The following WNK1 variants were observed in gnomAD, a reference collection of about 807,000 sequenced individuals.
WNK1 encodes the protein serine/threonine-protein kinase WNK1.
WNK1 carries 38 observed loss-of-function variants against 222.8 expected under a neutral mutation model. That is an observed-to-expected ratio of 0.17 (90% CI 0.13 to 0.22). The LOEUF (loss-of-function observed/expected upper bound fraction) is 0.22. Ranked by LOEUF, WNK1 falls within the 10% of genes least tolerant of loss-of-function variation. WNK1 has a pLI of 1.00. For synonymous variants in WNK1, 1,090 were observed against 1,092.9 expected (o/e 1.00, Z 0.05); for missense variants, 2,348 against 2,918.4 (o/e 0.80, Z 4.50).
intron 4 of WNK1, among the ~76,000 whole-genome samples, chr12:850,979 T>C (rs2154055248): frequency 6.6e-6 from 1 of 152,310 alleles, no homozygotes; most frequent in South Asian, 2.1e-4. Context: ...AGCCTTGTAG[T>C]AATACTGTTG....
intron 4 of WNK1, among the ~76,000 whole-genome samples, chr12:843,049 C>T (rs938973805): frequency 6.6e-6 from 1 of 152,208 alleles, no homozygotes; most frequent in African/African-American, 2.4e-5. Context: ...AATTCTCCTG[C>T]CTCAGCCTCC....
intron 1 of WNK1, among the ~76,000 whole-genome samples, chr12:808,234 A>G (rs1309867389): frequency 6.6e-6 from 1 of 152,134 alleles, no homozygotes; most frequent in Non-Finnish European, 1.5e-5. Flanking sequence ...GTATGGTTCT[A>G]AGTTTTGCTA....
At chr12:794,703 G>T (rs1054163436) in intron 1 of WNK1, among the ~76,000 whole-genome samples, 1 of 151,936 alleles carries the variant, frequency 6.6e-6, no homozygotes, top group East Asian at 1.9e-4. Context: ...TTGTATTTTG[G>T]TGAGGATTTT....
At chr12:839,950 A>G (rs1282895297) in intron 4 of WNK1, among the ~76,000 whole-genome samples, 1 of 145,328 alleles carries the variant, frequency 6.9e-6, no homozygotes, top group Non-Finnish European at 1.5e-5. Flanking sequence ...CTGCTCTCGA[A>G]CTCCTGACCT....
intron 8 of WNK1, among the ~76,000 whole-genome samples, chr12:869,710 A>C (rs1951977030): frequency 6.6e-6 from 1 of 152,172 alleles, no homozygotes; most frequent in African/African-American, 2.4e-5. Context: ...GGCATCAGTC[A>C]AGCAAGTTGC....
intron 1 of WNK1, among the ~76,000 whole-genome samples, chr12:806,169 G>A (rs1329658197): frequency 1.3e-5 from 2 of 152,134 alleles, no homozygotes; most frequent in African/African-American, 2.4e-5. Context: ...ATAATTCTTA[G>A]CTATTCAGGA....
At chr12:775,275 AT>A in intron 1 of WNK1, among the ~76,000 whole-genome samples, 1 of 152,340 alleles carries the variant, frequency 6.6e-6, no homozygotes, top group East Asian at 1.9e-4. Context: ...TAGAGAGTAA[AT>A]TAAGACATTA....
rs756183529 is a variant in WNK1 at position 859,350 on chromosome 12, A to G, written c.1506A>G (p.Leu502=). The change falls in exon 6 of 28, where the codon TTA becomes TTG. Residue 502 remains leucine, a synonymous_variant. Transcript: ENST00000315939. ...ATGGAGAAAAAATAGCCATAAAATT[A>G]TGGCTACGTATTGAAGATATTAAGA... ...EDDGEKIAIK[L]WLRIEDIKKL... 9.9e-6 allele frequency: 16 copies of G among 1,612,430 alleles called. No homozygotes were observed. Among genetic ancestry groups the G allele is most frequent in the Middle Eastern group, 3.3e-4 (2 of 6,076 alleles).
At chr12:871,419 G>T (rs1952135976) in intron 9 of WNK1, 71 bp downstream of exon 9, 4 of 1,509,128 alleles carry the variant, frequency 2.7e-6, no homozygotes, top group Non-Finnish European at 3.7e-6. Flanking sequence ...TTTGTGATTT[G>T]TTATATAAAT....
At chr12:887,745 G>A (rs1953810248) in intron 20 of WNK1, among the ~76,000 whole-genome samples, 1 of 152,102 alleles carries the variant, frequency 6.6e-6, no homozygotes, top group Non-Finnish European at 1.5e-5. Flanking sequence ...CTTGAATGTT[G>A]ATCATTTCTT....
rs780624528 is a variant in WNK1 at position 910,331 on chromosome 12, CT to C, written c.*1541del. On this transcript the variant is annotated 3_prime_UTR_variant, in exon 28 of 28. Coordinates refer to ENST00000315939, the MANE Select transcript of WNK1 (RefSeq NM_018979.4). Reference sequence around the variant, plus strand: ...GAATTAATCATTCTAGGAAAGAATACTTATTCCTACTCATTTCCTTTATGAT... The same window carrying C: ...GAATTAATCATTCTAGGAAAGAATACTATTCCTACTCATTTCCTTTATGAT... 2 of 152,186 alleles carry C rather than the reference CT, an allele frequency of 1.3e-5. No individual in the cohort carries two copies. The highest frequency in any genetic ancestry group is 2.9e-5 in the Non-Finnish European group (2 of 68,036). 9.4% of individuals were successfully genotyped at this position (152,186 alleles called of 1,614,324 possible).
In WNK1 at chr12:884,319, CAGTAA is replaced by C; in HGVS notation, c.3844+77_3844+81del. On this transcript the variant is annotated intron_variant, in intron 18 of 27. Transcript: ENST00000315939. This position sits in a 1 kb window ranked among gnomAD's most constrained non-coding sequence, Gnocchi z 5.6. ...CTATGTTGAAAGCTTAATCATAAAG[CAGTAA>C]TTTATGATGACACAGATAATAAAAA... 1 of 1,583,902 alleles carries C rather than the reference CAGTAA, an allele frequency of 6.3e-7. No homozygotes were observed. The highest frequency in any genetic ancestry group is 8.7e-7 in the Non-Finnish European group (1 of 1,154,250).
intron 1 of WNK1, among the ~76,000 whole-genome samples, chr12:755,519 C>G (rs1417289172): frequency 6.6e-6 from 1 of 152,060 alleles, no homozygotes; most frequent in African/African-American, 2.4e-5. Context: ...CAAACATAAT[C>G]ATTTCTTAAC....
rs150718995 is a variant in WNK1, at chr12:853,355, A to G, written c.1312-3806A>G. Among the ~76,000 whole-genome samples the G allele has an allele frequency of 7.9e-5, 12 of 152,366 alleles. 1 individual carries two copies. The East Asian group carries it at 2.3e-3, about 29-fold the overall frequency. On this transcript the variant is annotated intron_variant, in intron 4 of 27. Transcript: ENST00000315939. ...ATATATGTTTGCAGGGATAGGATTAACAAGAGGATTATTATTAAGGATAAT... is the reference window on the plus strand; with the variant it reads ...ATATATGTTTGCAGGGATAGGATTAGCAAGAGGATTATTATTAAGGATAAT...
At chr12:803,288 C>G (rs1302703535) in intron 1 of WNK1, among the ~76,000 whole-genome samples, 1 of 151,998 alleles carries the variant, frequency 6.6e-6, no homozygotes, top group Admixed American at 6.6e-5. Flanking sequence ...AACAAAATAG[C>G]AGAATTGAGC....
At chr12:798,261 G>A (rs1945520613) in intron 1 of WNK1, among the ~76,000 whole-genome samples, 1 of 150,810 alleles carries the variant, frequency 6.6e-6, no homozygotes, top group Non-Finnish European at 1.5e-5. Context: ...GCCCGATCTC[G>A]GCTCACTGCA....
At chr12:870,430 T>C (rs1366982394) in intron 8 of WNK1, among the ~76,000 whole-genome samples, 1 of 152,198 alleles carries the variant, frequency 6.6e-6, no homozygotes, top group Non-Finnish European at 1.5e-5. Flanking sequence ...TGATATTATA[T>C]CCATGTAAGC....
rs1437258627 is a variant in WNK1 at position 894,545 on chromosome 12, C to G, written c.5510-17C>G. ...AAGGAGACACTTATGTTTTCCTCAT[C>G]CATGTATTTGTTTCAGTTTCTCAAG... On this transcript the variant is annotated splice_polypyrimidine_tract_variant and intron_variant, in intron 22 of 27. Transcript: ENST00000315939. The G allele has an allele frequency of 1.9e-6, 3 of 1,608,030 alleles. No homozygotes were observed. Among genetic ancestry groups the G allele is most frequent in the South Asian group, 2.2e-5 (2 of 90,972 alleles).
At chr12:871,224 T>G (rs1346231531) in intron 8 of WNK1, 41 bp from the exon 9 acceptor site, 1 of 1,579,072 alleles carries the variant, frequency 6.3e-7, no homozygotes, top group Non-Finnish European at 8.7e-7. Flanking sequence ...ACACTTACTT[T>G]AGGCCTTCTC....
Sources: gnomAD v4.1 joint callset for allele counts (sites outside exome capture counted in the v4.1 genomes callset) on GRCh38, gnomAD v4.1.1 for gene constraint, Gnocchi (gnomAD v3.1) non-coding constraint, MANE v1.5 for transcripts, NCBI Gene and HGNC (gene_info 2026-07-23, HGNC 2026-07-21) for gene names.